The following BACH2 variants were observed in gnomAD, a reference collection of about 807,000 sequenced individuals.
The protein encoded by BACH2 is BACH transcriptional regulator 2.
Under a neutral mutation model 61.8 loss-of-function variants are expected in BACH2, and 5 were observed. The observed-to-expected ratio is 0.08, with a 90% CI of 0.04 to 0.17. The LOEUF is 0.17. Among genes scored for constraint, BACH2 ranks in the 10% least tolerant of loss-of-function variants. The pLI, the probability that BACH2 is intolerant of heterozygous loss-of-function variation, is 1.00. For missense variants in BACH2, 824 were observed against 1,091.1 expected, an observed-to-expected ratio of 0.76 and a Z score of 3.45; for synonymous variants, 446 against 440.1, an observed-to-expected ratio of 1.01 and a Z score of -0.17.
intron 4 of BACH2, among the ~76,000 whole-genome samples, chr6:90,098,062 C>A (rs1255520677): frequency 6.6e-6 from 1 of 152,164 alleles, no homozygotes; most frequent in Non-Finnish European, 1.5e-5. Flanking sequence ...TACATCACAG[C>A]CTTCCACGCC....
At chr6:89,982,447 CA>C (rs1264504188) in intron 6 of BACH2, among the ~76,000 whole-genome samples, 2 of 152,156 alleles carry the variant, frequency 1.3e-5, no homozygotes, top group African/African-American at 4.8e-5. Context: ...GCTGTGGCAT[CA>C]GCTTTCTCAG....
intron 4 of BACH2, among the ~76,000 whole-genome samples, chr6:90,205,910 C>T (rs150672111): frequency 6.6e-6 from 1 of 152,316 alleles, no homozygotes; most frequent in African/African-American, 2.4e-5. Context: ...TTGTATTCTT[C>T]GTTTATTCCC....
At chr6:90,020,961 T>C (rs754919588) in intron 5 of BACH2, among the ~76,000 whole-genome samples, 1 of 152,102 alleles carries the variant, frequency 6.6e-6, no homozygotes, top group Non-Finnish European at 1.5e-5. Flanking sequence ...TGAAATCAGA[T>C]TGTAAGGAAG....
chr6:90,121,966 G>T (rs1043786624), intron 4 of BACH2, among the ~76,000 whole-genome samples: 5 of 152,124 alleles, frequency 3.3e-5, no homozygotes, highest in African/African-American at 1.2e-4. Flanking sequence ...CCTATCTATT[G>T]GTAAGACTGT....
At chr6:90,136,519 G>A (rs1784276264) in intron 4 of BACH2, among the ~76,000 whole-genome samples, 1 of 152,084 alleles carries the variant, frequency 6.6e-6, no homozygotes, top group Admixed American at 6.5e-5. Context: ...CACATAGAAG[G>A]CACCCTAGAA....
intron 4 of BACH2, among the ~76,000 whole-genome samples, chr6:90,166,788 C>T (rs1301929736): frequency 6.6e-6 from 1 of 151,742 alleles, no homozygotes; most frequent in Non-Finnish European, 1.5e-5. Context: ...CCATCATTCT[C>T]AGCAAACTAT....
chr6:89,987,323 T>C (rs1410839644), intron 6 of BACH2, among the ~76,000 whole-genome samples: 1 of 152,180 alleles, frequency 6.6e-6, no homozygotes, highest in East Asian at 1.9e-4. Flanking sequence ...AGATGTGTGA[T>C]GCAGAAAGCG....
At position 90,046,805 on chromosome 6, in the gene BACH2, C is replaced by CTT. The variant is rs35251573; in HGVS notation, c.-12-37951_-12-37950dup. Among the ~76,000 whole-genome samples, 484 of 147,738 alleles carry CTT rather than the reference C, an allele frequency of 3.3e-3. 10 individuals carry two copies. The highest frequency in any genetic ancestry group is 2.4e-3 in the East Asian group (12 of 5,056). On this transcript the variant is annotated intron_variant, in intron 5 of 8. Transcript: ENST00000257749. Reference sequence around the variant, plus strand: ...CATCAGAGCTACTAGAATTTGGTGACTTTTTTTTTTTTAACACTGTAATTA... The same window carrying CTT: ...CATCAGAGCTACTAGAATTTGGTGACTTTTTTTTTTTTTTAACACTGTAATTA...
intron 4 of BACH2, among the ~76,000 whole-genome samples, chr6:90,175,857 T>A (rs566874431): frequency 6.6e-6 from 1 of 152,120 alleles, no homozygotes; most frequent in African/African-American, 2.4e-5. Context: ...TATCTGGCCC[T>A]CAGAGGCAAT....
At chr6:89,962,340 A>G (rs982671612) in intron 6 of BACH2, among the ~76,000 whole-genome samples, 4 of 152,196 alleles carry the variant, frequency 2.6e-5, no homozygotes, top group African/African-American at 9.6e-5. Flanking sequence ...GATGCACAAT[A>G]TAAAATTAAC....
At chr6:89,990,916 T>A (rs1369300600) in intron 6 of BACH2, among the ~76,000 whole-genome samples, 2 of 152,250 alleles carry the variant, frequency 1.3e-5, no homozygotes, top group African/African-American at 4.8e-5. Flanking sequence ...GCAAATCTGT[T>A]AAATGAATGA....
intron 2 of BACH2, among the ~76,000 whole-genome samples, chr6:90,254,608 T>C (rs1770918259): frequency 6.6e-6 from 1 of 151,922 alleles, no homozygotes; most frequent in Non-Finnish European, 1.5e-5. Context: ...AGCTTATACA[T>C]AGTATCTATA....
intron 5 of BACH2, among the ~76,000 whole-genome samples, chr6:90,040,476 T>C (rs926770354): frequency 2.6e-5 from 4 of 152,092 alleles, no homozygotes; most frequent in African/African-American, 9.7e-5. Flanking sequence ...TATATTTTAA[T>C]ATCTAAAGAG....
chr6:90,163,837 T>C lies in BACH2; in HGVS notation c.-162+42732A>G, dbSNP rs916446498. The stretch of plus-strand genomic sequence containing the variant: ...ACAGTCTAAGACACATAATATACTT[T>C]TTCCTTAATAACTTATAATTGAAGA... On this transcript the variant is annotated intron_variant, in intron 4 of 8. Coordinates refer to ENST00000257749, the MANE Select transcript of BACH2 (RefSeq NM_021813.4). Among the ~76,000 whole-genome samples, 5 of 152,188 alleles carry C rather than the reference T, an allele frequency of 3.3e-5. No individual in the cohort carries two copies. In the East Asian group the frequency reaches 9.6e-4, roughly 29 times the overall value.
chr6:90,218,726 G>T (rs796920192), intron 3 of BACH2, among the ~76,000 whole-genome samples: 23 of 151,972 alleles, frequency 1.5e-4, no homozygotes, highest in African/African-American at 5.3e-4. Context: ...AAAAGGAAAC[G>T]GGCCGTGAAA....
chr6:90,080,861 G>A (rs1029090831), intron 5 of BACH2: 8 of 764,832 alleles, frequency 1.0e-5, no homozygotes, highest in African/African-American at 1.9e-5. Flanking sequence ...CGCGGTACTC[G>A]AGCAGCTCTG....
chr6:90,155,301 G>C (rs1784959354), intron 4 of BACH2, among the ~76,000 whole-genome samples: 3 of 152,134 alleles, frequency 2.0e-5, no homozygotes, highest in Admixed American at 1.3e-4. Context: ...TGAACCTCTT[G>C]GTCTTGTAAG....
chr6:90,082,333 T>C (rs557317038), intron 5 of BACH2, among the ~76,000 whole-genome samples: 12 of 152,272 alleles, frequency 7.9e-5, no homozygotes, highest in African/African-American at 2.9e-4. Context: ...TCATTTTGAC[T>C]GACAGAAGGT....
intron 3 of BACH2, among the ~76,000 whole-genome samples, chr6:90,251,138 A>G (rs959025961): frequency 6.7e-6 from 1 of 150,198 alleles, no homozygotes; most frequent in Non-Finnish European, 1.5e-5. Context: ...ATAATATAGT[A>G]CAAGGAATAA....
Sources: gnomAD v4.1 joint callset for allele counts (sites outside exome capture counted in the v4.1 genomes callset) on GRCh38, gnomAD v4.1.1 for gene constraint, MANE v1.5 for transcripts, NCBI Gene and HGNC (gene_info 2026-07-23, HGNC 2026-07-21) for gene names.